Variants in ADARB2 observed in about 807,000 individuals in gnomAD.
ADARB2 encodes the protein adenosine deaminase RNA specific B2 (inactive).
In ADARB2, 25 loss-of-function variants were observed where a neutral mutation model predicts 62.2. That is an observed-to-expected ratio of 0.40 (90% CI 0.29 to 0.56). The LOEUF is 0.56. Ranked by LOEUF, ADARB2 falls within the 20% of genes least tolerant of loss-of-function variation. ADARB2 has a pLI of 0.43. For synonymous variants in ADARB2, 572 were observed against 500.8 expected, an observed-to-expected ratio of 1.14 and a Z score of -1.90; for missense variants, 1,071 against 1,077.4, an observed-to-expected ratio of 0.99 and a Z score of 0.08.
At chr10:1,538,904 C>T (rs569979365) in intron 1 of ADARB2, among the ~76,000 whole-genome samples, 11 of 152,354 alleles carry the variant, frequency 7.2e-5, no homozygotes, top group Admixed American at 2.0e-4. Context: ...TCACACTGCA[C>T]GGCATCCCAT....
chr10:1,351,482 C>T (rs534216797), intron 3 of ADARB2, among the ~76,000 whole-genome samples: 1 of 151,960 alleles, frequency 6.6e-6, no homozygotes, highest in East Asian at 1.9e-4. Context: ...TTAGTTATCC[C>T]CACCTGCCCA....
chr10:1,668,594 G>T (rs1349372116), intron 1 of ADARB2, among the ~76,000 whole-genome samples: 1 of 152,150 alleles, frequency 6.6e-6, no homozygotes, highest in African/African-American at 2.4e-5. Context: ...CCACGTTCAG[G>T]TCAAGAACTC....
chr10:1,675,968 T>G (rs571221288), intron 1 of ADARB2: 30 of 975,094 alleles, frequency 3.1e-5, no homozygotes, highest in Non-Finnish European at 3.5e-5. Context: ...TAGATGAAGA[T>G]GTGGAGTAAG....
chr10:1,627,553 A>G (rs1588329322), intron 1 of ADARB2, among the ~76,000 whole-genome samples: 1 of 152,206 alleles, frequency 6.6e-6, no homozygotes, highest in African/African-American at 2.4e-5. Flanking sequence ...AACTTCATGT[A>G]GAAGTTTGCC....
At chr10:1,386,639 A>C (rs1832527870) in intron 1 of ADARB2, among the ~76,000 whole-genome samples, 1 of 152,008 alleles carries the variant, frequency 6.6e-6, no homozygotes, top group Non-Finnish European at 1.5e-5. Flanking sequence ...TGCACTCAAC[A>C]GAGTTTTAAA....
chr10:1,544,956 T>TACACACACACACACACAC (rs1554770300), intron 1 of ADARB2, among the ~76,000 whole-genome samples: 5,208 of 133,866 alleles, frequency 0.039, 161 homozygotes, highest in South Asian at 0.053. Flanking sequence ...TAGCAAAGTA[T>TACACACACACACACACAC]ACACACACAC....
chr10:1,727,421 C>T (rs1455558454), intron 1 of ADARB2, among the ~76,000 whole-genome samples: 3 of 152,106 alleles, frequency 2.0e-5, no homozygotes, highest in Non-Finnish European at 2.9e-5. Context: ...ACAGCTCAGC[C>T]CATCTCTCCA....
At chr10:1,359,814 C>T (rs1405989204) in intron 3 of ADARB2, among the ~76,000 whole-genome samples, 5 of 152,202 alleles carry the variant, frequency 3.3e-5, no homozygotes, top group South Asian at 2.1e-4. Flanking sequence ...GACCACCCGA[C>T]GAGCTGGAAG....
At chr10:1,420,461 G>A (rs1183044432) in intron 1 of ADARB2, among the ~76,000 whole-genome samples, 1 of 152,016 alleles carries the variant, frequency 6.6e-6, no homozygotes, top group Non-Finnish European at 1.5e-5. Context: ...CACATCCGAG[G>A]GATTTTATTA....
chr10:1,255,989 A>G lies in ADARB2; in HGVS notation c.1193-13690T>C, dbSNP rs74121242. 9.1e-3 allele frequency among the ~76,000 whole-genome samples: 1,379 copies of G among 152,350 alleles called. 19 individuals are homozygous for G. The highest frequency in any genetic ancestry group is 0.032 in the African/African-American group (1,314 of 41,578). ...TGAATTAACTTGACTTTTCCAAAGT[A>G]TACTTGCGGGGCATGAGAATGGACA... is the stretch of plus-strand genomic sequence containing the variant. On this transcript the variant is annotated intron_variant, in intron 4 of 9. Coordinates refer to ENST00000381312, the MANE Select transcript of ADARB2 (RefSeq NM_018702.4). This position sits in a 1 kb window ranked among gnomAD's most constrained non-coding sequence, Gnocchi z 4.7.
intron 7 of ADARB2, among the ~76,000 whole-genome samples, chr10:1,213,619 A>C (rs1411903498): frequency 2.0e-5 from 3 of 152,238 alleles, no homozygotes; most frequent in Non-Finnish European, 4.4e-5. Flanking sequence ...TAATTCCTGG[A>C]CAAATTCAGG....
chr10:1,670,149 T>C (rs1381698905), intron 1 of ADARB2, among the ~76,000 whole-genome samples: 1 of 152,240 alleles, frequency 6.6e-6, no homozygotes, highest in African/African-American at 2.4e-5. Flanking sequence ...TGGAAAGATA[T>C]CTTTATAATC....
intron 1 of ADARB2, among the ~76,000 whole-genome samples, chr10:1,666,972 A>G (rs1248327683): frequency 1.3e-5 from 2 of 152,102 alleles, no homozygotes; most frequent in Non-Finnish European, 2.9e-5. Context: ...TAGACTCTGA[A>G]AAGACCCCTG....
chr10:1,314,184 C>G (rs764359934), intron 3 of ADARB2, among the ~76,000 whole-genome samples: 24 of 152,162 alleles, frequency 1.6e-4, no homozygotes, highest in Non-Finnish European at 3.4e-4. Flanking sequence ...CCATCATAAT[C>G]ATTTTGAAAA....
chr10:1,390,592 C>T (rs1832561421), intron 1 of ADARB2, among the ~76,000 whole-genome samples: 1 of 152,218 alleles, frequency 6.6e-6, no homozygotes, highest in East Asian at 1.9e-4. Context: ...AAGATCTCTG[C>T]TAGGAAAGCA....
At chr10:1,500,137 G>T (rs1238791062) in intron 1 of ADARB2, among the ~76,000 whole-genome samples, 2 of 152,224 alleles carry the variant, frequency 1.3e-5, no homozygotes, top group African/African-American at 2.4e-5. Flanking sequence ...GGAGTTGTTT[G>T]TCAGGCCTGG....
chr10:1,584,370 G>T (rs564695808), intron 1 of ADARB2, among the ~76,000 whole-genome samples: 1 of 152,140 alleles, frequency 6.6e-6, no homozygotes, highest in South Asian at 2.1e-4. Flanking sequence ...ACTAGAGAAC[G>T]CAGATAAAAA....
At chr10:1,669,350 C>A (rs1301793632) in intron 1 of ADARB2, among the ~76,000 whole-genome samples, 1 of 152,278 alleles carries the variant, frequency 6.6e-6, no homozygotes, top group South Asian at 2.1e-4. Context: ...AAGTCAGGCT[C>A]CCTGGAAGCT....
At chr10:1,582,482 G>A (rs372166190) in intron 1 of ADARB2, among the ~76,000 whole-genome samples, 2 of 152,180 alleles carry the variant, frequency 1.3e-5, no homozygotes, top group African/African-American at 2.4e-5. Flanking sequence ...AATGGCCTTC[G>A]AAGAATAAAT....
Sources: allele counts gnomAD v4.1 joint callset (sites outside exome capture counted in the v4.1 genomes callset), GRCh38; gene constraint gnomAD v4.1.1; non-coding constraint Gnocchi (gnomAD v3.1); transcripts MANE v1.5; gene names NCBI Gene and HGNC (gene_info 2026-07-23, HGNC 2026-07-21).